Variants in PCDHA2 observed in about 807,000 individuals in gnomAD.
The protein encoded by PCDHA2 is protocadherin alpha-2.
PCDHA2 carries 58 observed loss-of-function variants against 66.0 expected under a neutral mutation model. The observed-to-expected ratio is 0.88, with a 90% confidence interval of 0.71 to 1.09. The LOEUF is 1.09. PCDHA2 is among the 50% of genes least tolerant of loss of function. PCDHA2 has a pLI of 0.00. For missense variants in PCDHA2, 1,267 were observed against 1,242.3 expected (o/e 1.02, Z -0.30); for synonymous variants, 634 against 554.0 (o/e 1.14, Z -2.03).
intron 1 of PCDHA2, chr5:140,822,254 A>G: frequency 6.2e-7 from 1 of 1,614,260 alleles, no homozygotes; most frequent in South Asian, 1.1e-5. Context: ...TCGGATTTGG[A>G]TATTGGAGCA....
At chr5:140,942,351 G>GCAGTTAA (rs1563195355) in intron 1 of PCDHA2, among the ~76,000 whole-genome samples, 1 of 152,024 alleles carries the variant, frequency 6.6e-6, no homozygotes. Context: ...GGCGGAGGTT[G>GCAGTTAA]CAGTTAACGG....
chr5:140,884,444 C>G (rs1186302015), intron 1 of PCDHA2: 1 of 1,613,776 alleles, frequency 6.2e-7, no homozygotes, highest in East Asian at 2.2e-5. Flanking sequence ...GTGCTCGGCA[C>G]CGCCCACCGA....
intron 1 of PCDHA2, among the ~76,000 whole-genome samples, chr5:140,925,108 G>GGAAGGAAGGAA (rs1554202548): frequency 1.6e-5 from 2 of 124,702 alleles, no homozygotes; most frequent in African/African-American, 3.3e-5. Flanking sequence ...GAAGGAAGGA[G>GGAAGGAAGGAA]GGAAGGAAGG....
At position 140,796,908 on chromosome 5, in the gene PCDHA2, C is replaced by A. The variant is rs140366950; in HGVS notation, c.1944C>A (p.Leu648=). 3 of 1,613,802 alleles carry A rather than the reference C, an allele frequency of 1.9e-6. No homozygotes were observed. Among genetic ancestry groups the A allele is most frequent in the African/African-American group, 1.3e-5 (1 of 74,940 alleles). ...CTGACTCCCCTCGACACCGCCTACTCGTGCTGGTGAAGGACCACGGCGAAC... is the reference window on the plus strand; with the variant it reads ...CTGACTCCCCTCGACACCGCCTACTAGTGCTGGTGAAGGACCACGGCGAAC... ...DEADSPRHRL[L]VLVKDHGEPA... is the part of the protein sequence containing the mutation. The change falls in exon 1 of 4, where the codon CTC becomes CTA. Residue 648 remains leucine (L), a synonymous_variant. Transcript: ENST00000526136.
At chr5:140,801,853 A>T (rs1581646062) in intron 1 of PCDHA2, 2 of 1,614,140 alleles carry the variant, frequency 1.2e-6, no homozygotes, top group African/African-American at 2.7e-5. Context: ...GATGGTGGGA[A>T]ACCAGAGCTC....
At chr5:140,967,718 C>G (rs959323631) in intron 1 of PCDHA2, 1 of 1,613,988 alleles carries the variant, frequency 6.2e-7, no homozygotes, top group Non-Finnish European at 8.5e-7. Flanking sequence ...CGGGGAAGTG[C>G]GAGTAATTGG....
chr5:140,904,955 G>A (rs1272284537), intron 1 of PCDHA2, among the ~76,000 whole-genome samples: 1 of 152,120 alleles, frequency 6.6e-6, no homozygotes, highest in Non-Finnish European at 1.5e-5. Context: ...TTTGTCTGAT[G>A]CAGAATTTGT....
intron 1 of PCDHA2, chr5:140,869,814 C>A: frequency 2.5e-6 from 4 of 1,612,258 alleles, no homozygotes; most frequent in Non-Finnish European, 3.4e-6. Flanking sequence ...ATGTCAACGA[C>A]AATGATCCAG....
chr5:140,866,445 T>G (rs2049364254), intron 1 of PCDHA2: 1 of 152,140 alleles, frequency 6.6e-6, no homozygotes, highest in South Asian at 2.1e-4. Flanking sequence ...TCTTCAGTCT[T>G]ATTGTTGGCT....
At chr5:140,919,217 G>T (rs1427737864) in intron 1 of PCDHA2, among the ~76,000 whole-genome samples, 1 of 152,090 alleles carries the variant, frequency 6.6e-6, no homozygotes, top group Non-Finnish European at 1.5e-5. Context: ...TGTCCTTCTT[G>T]ATTTCTAGTA....
At chr5:140,882,940 C>T (rs1554176179) in intron 1 of PCDHA2, 2 of 1,614,208 alleles carry the variant, frequency 1.2e-6, no homozygotes, top group Admixed American at 3.3e-5. Flanking sequence ...AGCTGACTGG[C>T]ACAGTTCAGC....
At chr5:140,863,142 G>C (rs782245937) in intron 1 of PCDHA2, 1 of 609,728 alleles carries the variant, frequency 1.6e-6, no homozygotes. Flanking sequence ...TGCTGGTGCT[G>C]GTGAAGGACC....
At chr5:140,960,742 T>C (rs1336861398) in intron 1 of PCDHA2, among the ~76,000 whole-genome samples, 1 of 151,530 alleles carries the variant, frequency 6.6e-6, no homozygotes, top group Non-Finnish European at 1.5e-5. Flanking sequence ...TTTTAGTCCA[T>C]GGCTAAAATC....
chr5:140,922,381 A>T (rs1554200794), intron 1 of PCDHA2, among the ~76,000 whole-genome samples: 2 of 152,208 alleles, frequency 1.3e-5, no homozygotes, highest in Admixed American at 6.5e-5. Flanking sequence ...TGCAAAACCA[A>T]AGACTCCTTG....
chr5:140,862,757 GC>G (rs1554156930), intron 1 of PCDHA2: 4 of 579,248 alleles, frequency 6.9e-6, no homozygotes, highest in African/African-American at 1.9e-5. Flanking sequence ...GCGGAGAGCG[GC>G]AAGAGGTACG....
chr5:140,808,769 C>G (rs142480630), intron 1 of PCDHA2: 81,274 of 1,612,192 alleles, frequency 0.05, 2,410 homozygotes, highest in Middle Eastern at 0.074. Flanking sequence ...CCACGAGGAG[C>G]TAGAGCTGCT....
rs116346509 is a variant in PCDHA2 at position 140,904,582 on chromosome 5, G to A, written c.2389-74367G>A. ...TTTTTTTCCTCTGGGTAGACACCCA[G>A]TAGTGGGACTGCTGGATCAAATAGT... On this transcript the variant is annotated intron_variant, in intron 1 of 3. Transcript: ENST00000526136. Among the ~76,000 whole-genome samples, 650 of 152,092 alleles carry A rather than the reference G, an allele frequency of 4.3e-3. 5 individuals are homozygous for A. The highest frequency in any genetic ancestry group is 5.5e-3 in the Non-Finnish European group (373 of 67,986).
chr5:140,852,585 T>TTA (rs1554145908), intron 1 of PCDHA2: 28 of 874,450 alleles, frequency 3.2e-5, no homozygotes, highest in Admixed American at 6.4e-5. Flanking sequence ...CTTTTTTATT[T>TTA]TTTTTTTTTG....
intron 1 of PCDHA2, chr5:140,821,853 G>C: frequency 6.2e-7 from 1 of 1,614,206 alleles, no homozygotes; most frequent in South Asian, 1.1e-5. Flanking sequence ...GGAAGGCAGG[G>C]AGCGGCCAGC....
Sources: gnomAD v4.1 joint callset for allele counts (sites outside exome capture counted in the v4.1 genomes callset) on GRCh38, gnomAD v4.1.1 for gene constraint, MANE v1.5 for transcripts, NCBI Gene and HGNC (gene_info 2026-07-23, HGNC 2026-07-21) for gene names.